The following SLC35F4 variants were observed in gnomAD, a reference collection of about 807,000 sequenced individuals.
The protein encoded by SLC35F4 is chromosome 14 open reading frame 36.
SLC35F4 carries 24 observed loss-of-function variants against 44.2 expected under a neutral mutation model. The ratio of observed to expected loss-of-function variants is 0.54; its 90% confidence interval spans 0.39 to 0.76. The LOEUF (loss-of-function observed/expected upper bound fraction) is 0.76, where lower values mean the gene tolerates loss of function less well. SLC35F4 is among the 30% of genes least tolerant of loss of function. The pLI is 0.00. For missense variants in SLC35F4, 562 were observed against 586.1 expected, an observed-to-expected ratio of 0.96 and a Z score of 0.42; for synonymous variants, 238 against 223.6, an observed-to-expected ratio of 1.06 and a Z score of -0.57.
intron 1 of SLC35F4, among the ~76,000 whole-genome samples, chr14:57,611,528 T>C (rs2071498988): frequency 6.7e-6 from 1 of 149,988 alleles, no homozygotes; most frequent in Non-Finnish European, 1.5e-5. Context: ...AACGATATGG[T>C]ACAGTTGTCA....
At chr14:57,669,760 A>G (rs138224900) in intron 1 of SLC35F4, among the ~76,000 whole-genome samples, 37,956 of 151,902 alleles carry the variant, frequency 0.25, 4,861 homozygotes, top group South Asian at 0.31. Flanking sequence ...TTTTTGCATC[A>G]ATGTTCACCA....
chr14:57,898,481 T>C (rs1409449017), intron 1 of SLC35F4, among the ~76,000 whole-genome samples: 1 of 152,248 alleles, frequency 6.6e-6, no homozygotes, highest in Non-Finnish European at 1.5e-5. Context: ...GTGGGTGCTT[T>C]GATCAGATCA....
intron 1 of SLC35F4, among the ~76,000 whole-genome samples, chr14:57,916,523 A>G (rs1451170688): frequency 6.6e-6 from 1 of 152,172 alleles, no homozygotes; most frequent in African/African-American, 2.4e-5. Context: ...GGCATCTGAC[A>G]TTAACTGGGG....
chr14:57,934,363 G>C (rs1889757483), intron 1 of SLC35F4, among the ~76,000 whole-genome samples: 1 of 148,136 alleles, frequency 6.8e-6, no homozygotes, highest in East Asian at 2.0e-4. Flanking sequence ...AAATAAGCAA[G>C]CATACTAGAT....
chr14:57,686,738 C>T (rs1269066421), intron 1 of SLC35F4, among the ~76,000 whole-genome samples: 1 of 151,964 alleles, frequency 6.6e-6, no homozygotes, highest in Non-Finnish European at 1.5e-5. Context: ...CTTTTGATAA[C>T]CTCATATCAA....
intron 1 of SLC35F4, among the ~76,000 whole-genome samples, chr14:57,749,128 G>T (rs754748779): frequency 1.3e-4 from 20 of 152,142 alleles, no homozygotes; most frequent in Non-Finnish European, 2.6e-4. Context: ...GTGATGCCAA[G>T]AATTATATAT....
rs528693418 is a variant in SLC35F4 at position 57,739,860 on chromosome 14, T to C, written c.103+125863A>G. The stretch of plus-strand genomic sequence containing the variant: ...GCCAACTCTCAGCAAACAGTGGCTA[T>C]TGGTTTGTTGTTGTTTTGAGACAGT... On this transcript the variant is annotated intron_variant, in intron 1 of 7. Transcript: ENST00000556826. Among the ~76,000 whole-genome samples the C allele has an allele frequency of 2.6e-5, 4 of 152,320 alleles. No homozygotes were observed. The South Asian group carries it at 6.2e-4, about 24-fold the overall frequency.
At chr14:57,982,518 A>C (rs1228651326), upstream of SLC35F4, among the ~76,000 whole-genome samples, 1 of 152,018 alleles carries the variant, frequency 6.6e-6, no homozygotes, top group Non-Finnish European at 1.5e-5. Flanking sequence ...AAAGCCAACG[A>C]GAGCCAAGAG....
chr14:57,618,790 G>T lies in SLC35F4; in HGVS notation c.104-24666C>A, dbSNP rs140412185. Among the ~76,000 whole-genome samples the T allele has an allele frequency of 2.5e-3, 379 of 152,342 alleles. 2 individuals are homozygous for T. The highest frequency in any genetic ancestry group is 8.9e-3 in the African/African-American group (371 of 41,574). ...GAACCCAGCAAGCTAAGATCCACTG[G>T]CTTGAAATTCTTGCTGCCAGCACAG... On this transcript the variant is annotated intron_variant, in intron 1 of 7. Transcript: ENST00000556826.
chr14:57,610,963 T>C (rs1170634487), intron 1 of SLC35F4, among the ~76,000 whole-genome samples: 1 of 152,174 alleles, frequency 6.6e-6, no homozygotes, highest in Non-Finnish European at 1.5e-5. Flanking sequence ...AACTTCTAAG[T>C]TCTGTGAAGA....
rs747944978 is a variant in SLC35F4 at position 57,767,323 on chromosome 14, A to G, written c.103+98400T>C. ...TTACATGGTCCTATATTCTGGCCATAAAACAAACCTAACAAATTTAAAGAA... is the reference window on the plus strand; with the variant it reads ...TTACATGGTCCTATATTCTGGCCATGAAACAAACCTAACAAATTTAAAGAA... On this transcript the variant is annotated intron_variant, in intron 1 of 7. Coordinates refer to ENST00000556826, the MANE Select transcript of SLC35F4 (RefSeq NM_001306087.2). Among the ~76,000 whole-genome samples, 20 of 152,220 alleles carry G rather than the reference A, an allele frequency of 1.3e-4. 1 individual carries two copies. Among genetic ancestry groups the G allele is most frequent in the Non-Finnish European group, 2.4e-4 (16 of 68,022 alleles).
At chr14:57,707,075 A>C in intron 1 of SLC35F4, among the ~76,000 whole-genome samples, 1 of 152,200 alleles carries the variant, frequency 6.6e-6, no homozygotes, top group Non-Finnish European at 1.5e-5. Flanking sequence ...TGGATTTAAA[A>C]GGTATTGGGA....
chr14:57,731,293 T>C lies in SLC35F4; in HGVS notation c.103+134430A>G, dbSNP rs149319887. ...TGTGCCTTCATGTTTGAAAATAATA[T>C]GCAGCAGGAGTTTACACTTAACACT... is the stretch of plus-strand genomic sequence containing the variant. On this transcript the variant is annotated intron_variant, in intron 1 of 7. Coordinates refer to ENST00000556826, the MANE Select transcript of SLC35F4 (RefSeq NM_001306087.2). Among the ~76,000 whole-genome samples, 89 of 152,298 alleles carry C rather than the reference T, an allele frequency of 5.8e-4. 1 individual carries two copies. Among genetic ancestry groups the C allele is most frequent in the African/African-American group, 1.9e-3 (81 of 41,562 alleles).
chr14:57,890,182 G>A (rs924248779), intron 1 of SLC35F4, among the ~76,000 whole-genome samples: 5 of 152,124 alleles, frequency 3.3e-5, no homozygotes, highest in Non-Finnish European at 7.3e-5. Flanking sequence ...CATGCTTTGG[G>A]TAGCCACTGG....
Position 57,674,936 on chromosome 14 carries a change from G to A in SLC35F4, c.104-80812C>T, listed in dbSNP as rs77245058. Among the ~76,000 whole-genome samples, 211 of 152,172 alleles carry A rather than the reference G, an allele frequency of 1.4e-3. 3 individuals are homozygous for A. The highest frequency in any genetic ancestry group is 4.7e-3 in the African/African-American group (196 of 41,476). The stretch of plus-strand genomic sequence containing the variant: ...GATACTATCTCTGTATTCCAAAACC[G>A]CTAGCTAATCAACATTTTTGAAAAG... On this transcript the variant is annotated intron_variant, in intron 1 of 7. Coordinates refer to ENST00000556826, the MANE Select transcript of SLC35F4 (RefSeq NM_001306087.2).
intron 1 of SLC35F4, among the ~76,000 whole-genome samples, chr14:57,767,686 A>C (rs2140661328): frequency 6.6e-6 from 1 of 152,244 alleles, no homozygotes; most frequent in African/African-American, 2.4e-5. Context: ...AGAATAAATA[A>C]AATTGAAAAT....
chr14:57,941,309 G>A (rs1221956119), intron 1 of SLC35F4, among the ~76,000 whole-genome samples: 1 of 152,144 alleles, frequency 6.6e-6, no homozygotes, highest in Non-Finnish European at 1.5e-5. Flanking sequence ...TGGATAAATG[G>A]CTAAATTATG....
At chr14:57,785,395 C>T (rs751156636) in intron 1 of SLC35F4, among the ~76,000 whole-genome samples, 1 of 152,194 alleles carries the variant, frequency 6.6e-6, no homozygotes, top group African/African-American at 2.4e-5. Flanking sequence ...GACAGTAGTA[C>T]ATAAATTACT....
intron 1 of SLC35F4, among the ~76,000 whole-genome samples, chr14:57,729,783 G>A (rs1594902758): frequency 6.6e-6 from 1 of 152,246 alleles, no homozygotes; most frequent in Non-Finnish European, 1.5e-5. Context: ...CGTTGCCTAG[G>A]AATTTCAGTC....
Sources: allele counts gnomAD v4.1 joint callset (sites outside exome capture counted in the v4.1 genomes callset), GRCh38; gene constraint gnomAD v4.1.1; transcripts MANE v1.5; gene names NCBI Gene and HGNC (gene_info 2026-07-23, HGNC 2026-07-21).